The following PARD3 variants were observed in gnomAD, a reference collection of about 807,000 sequenced individuals.
PARD3 encodes partitioning defective 3 homolog.
In PARD3, 75 loss-of-function variants were observed where a neutral mutation model predicts 155.4. The ratio of observed to expected loss-of-function variants is 0.48; its 90% CI spans 0.40 to 0.58. PARD3 has a LOEUF of 0.58. Among genes scored for constraint, PARD3 ranks in the 20% least tolerant of loss-of-function variants. PARD3 has a pLI of 0.00. For missense variants in PARD3, 1,642 were observed against 1,721.7 expected, an observed-to-expected ratio of 0.95 and a Z score of 0.82; for synonymous variants, 576 against 610.5, an observed-to-expected ratio of 0.94 and a Z score of 0.83.
At chr10:34,229,598 T>C (rs1749183533) in intron 22 of PARD3, among the ~76,000 whole-genome samples, 1 of 151,968 alleles carries the variant, frequency 6.6e-6, no homozygotes, top group African/African-American at 2.4e-5. Flanking sequence ...AATATGCCTC[T>C]TTAATACTAT....
intron 2 of PARD3, among the ~76,000 whole-genome samples, chr10:34,618,859 A>C (rs1325309149): frequency 6.6e-6 from 1 of 152,034 alleles, no homozygotes; most frequent in Non-Finnish European, 1.5e-5. Flanking sequence ...CCTCAACACT[A>C]AGGTAATATT....
chr10:34,395,609 G>A (rs1287892732), intron 7 of PARD3, among the ~76,000 whole-genome samples: 2 of 86,164 alleles, frequency 2.3e-5, no homozygotes, highest in Admixed American at 1.0e-4. Context: ...AGGCCGAGGC[G>A]GGTGGATCAT....
chr10:34,208,163 CAT>C (rs1951568115), intron 22 of PARD3, among the ~76,000 whole-genome samples: 2 of 152,130 alleles, frequency 1.3e-5, no homozygotes, highest in Admixed American at 1.3e-4. Context: ...TTTTTTCTTA[CAT>C]GTCTTCTAAA....
intron 1 of PARD3, among the ~76,000 whole-genome samples, chr10:34,770,748 G>A (rs1467439525): frequency 2.0e-5 from 3 of 152,178 alleles, no homozygotes; most frequent in Non-Finnish European, 4.4e-5. Flanking sequence ...CAGATAAATT[G>A]TATCTTAAGT....
chr10:34,578,112 C>T (rs962256648), intron 2 of PARD3, among the ~76,000 whole-genome samples: 2 of 151,680 alleles, frequency 1.3e-5, no homozygotes, highest in Admixed American at 1.3e-4. Context: ...TGGCCTCAAG[C>T]AATCCTGCTG....
intron 2 of PARD3, among the ~76,000 whole-genome samples, chr10:34,611,523 A>C (rs1477183355): frequency 1.3e-5 from 2 of 152,314 alleles, no homozygotes; most frequent in African/African-American, 4.8e-5. Flanking sequence ...TGCCTTTTAA[A>C]TTTAATTTCA....
At chr10:34,180,783 GGGA>G (rs1388179734) in intron 22 of PARD3, among the ~76,000 whole-genome samples, 1 of 152,090 alleles carries the variant, frequency 6.6e-6, no homozygotes, top group African/African-American at 2.4e-5. Context: ...GTGTCTTGCT[GGGA>G]GGAGGAGTCT....
rs367985300 is a variant in PARD3, at chr10:34,338,629, T to TA, written c.2409-1204dup. 4.5e-3 allele frequency among the ~76,000 whole-genome samples: 680 copies of TA among 152,228 alleles called. 7 individuals are homozygous for TA. The highest frequency in any genetic ancestry group is 0.016 in the African/African-American group (644 of 41,528). On this transcript the variant is annotated intron_variant, in intron 16 of 24. Coordinates refer to ENST00000374788, the MANE Select transcript of PARD3 (RefSeq NM_001184785.2). Reference sequence around the variant, plus strand: ...TTATAAGAACTATCATCCATACTAGTAAAAAAACAGTCAACCTTTGGATGT... The same window carrying TA: ...TTATAAGAACTATCATCCATACTAGTAAAAAAAACAGTCAACCTTTGGATGT...
chr10:34,211,602 T>C (rs1951755043), intron 22 of PARD3, among the ~76,000 whole-genome samples: 1 of 151,978 alleles, frequency 6.6e-6, no homozygotes. Flanking sequence ...GCCAACATGG[T>C]GAAACCTCGT....
chr10:34,225,014 A>AG (rs1952514105), intron 22 of PARD3, among the ~76,000 whole-genome samples: 1 of 152,230 alleles, frequency 6.6e-6, no homozygotes, highest in African/African-American at 2.4e-5. Context: ...AAAGAGAGAC[A>AG]GAAAAAAAAG....
intron 24 of PARD3, among the ~76,000 whole-genome samples, chr10:34,113,264 C>T (rs374017745): frequency 6.6e-5 from 10 of 152,268 alleles, no homozygotes; most frequent in South Asian, 2.1e-4. Context: ...CTTCGCTCTA[C>T]GGCAGCTGTG....
chr10:34,629,001 T>C (rs1032419272), intron 2 of PARD3, among the ~76,000 whole-genome samples: 1 of 152,188 alleles, frequency 6.6e-6, no homozygotes, highest in African/African-American at 2.4e-5. Flanking sequence ...AATAGGTCTT[T>C]AAGCCCTCCC....
In PARD3 at chr10:34,208,592, A is replaced by C. The variant is rs1219840798; in HGVS notation, c.3419+61065T>G. Reference sequence around the variant, plus strand: ...TTGTGAAATCATTTTGCAGAGGGTTAAGGACGCAGAGAAGAGAGGTAGGCA... The same window carrying C: ...TTGTGAAATCATTTTGCAGAGGGTTCAGGACGCAGAGAAGAGAGGTAGGCA... On this transcript the variant is annotated intron_variant, in intron 22 of 24. Coordinates refer to ENST00000374788, the MANE Select transcript of PARD3 (RefSeq NM_001184785.2). Among the ~76,000 whole-genome samples, 3 of 152,208 alleles carry C rather than the reference A, an allele frequency of 2.0e-5. No individual in the cohort carries two copies. The South Asian group carries it at 6.2e-4, about 32-fold the overall frequency.
intron 2 of PARD3, among the ~76,000 whole-genome samples, chr10:34,524,336 C>G (rs1440902327): frequency 6.6e-6 from 1 of 152,172 alleles, no homozygotes; most frequent in Admixed American, 6.5e-5. Flanking sequence ...GAAAGTATTT[C>G]TTGAACACTC....
At chr10:34,469,945 G>C in intron 4 of PARD3, 140 bp downstream of exon 4, 3 of 581,250 alleles carry the variant, frequency 5.2e-6, no homozygotes, top group Non-Finnish European at 8.8e-6. Flanking sequence ...ACTTTGATAT[G>C]AAAGTTGGTA....
intron 1 of PARD3, among the ~76,000 whole-genome samples, chr10:34,775,246 G>A (rs189456058): frequency 6.6e-6 from 1 of 152,304 alleles, no homozygotes; most frequent in Non-Finnish European, 1.5e-5. Flanking sequence ...AGTCAGGCAT[G>A]GTGGCTCACA....
At chr10:34,508,955 C>G (rs1477167146) in intron 3 of PARD3, among the ~76,000 whole-genome samples, 1 of 152,152 alleles carries the variant, frequency 6.6e-6, no homozygotes, top group Non-Finnish European at 1.5e-5. Context: ...CAAAACCATC[C>G]TGAGGCAGGT....
chr10:34,133,449 T>C (rs1947722804), intron 22 of PARD3, among the ~76,000 whole-genome samples: 1 of 152,196 alleles, frequency 6.6e-6, no homozygotes, highest in African/African-American at 2.4e-5. Context: ...AGGCATCTAC[T>C]GCCTCCACAA....
At chr10:34,721,443 C>T (rs1166969074) in intron 1 of PARD3, among the ~76,000 whole-genome samples, 1 of 152,176 alleles carries the variant, frequency 6.6e-6, no homozygotes, top group Non-Finnish European at 1.5e-5. Context: ...CCTGGGCAGC[C>T]GGCAAGCTGA....
Sources: allele counts gnomAD v4.1 joint callset (sites outside exome capture counted in the v4.1 genomes callset), GRCh38; gene constraint gnomAD v4.1.1; transcripts MANE v1.5; gene names NCBI Gene and HGNC (gene_info 2026-07-23, HGNC 2026-07-21).